FAM114A2: variants seen among roughly 807,000 people sequenced by gnomAD.
FAM114A2 encodes the protein protein FAM114A2.
Under a neutral mutation model 58.4 loss-of-function variants are expected in FAM114A2, and 53 were observed. That is an observed-to-expected ratio of 0.91 (90% CI 0.73 to 1.14). The LOEUF (loss-of-function observed/expected upper bound fraction) is 1.14, where lower values mean the gene tolerates loss of function less well. Among genes scored for constraint, FAM114A2 ranks in the 50% most tolerant of loss-of-function variants. FAM114A2 has a pLI of 0.00. For missense variants in FAM114A2, 601 were observed against 581.1 expected (o/e 1.03, Z -0.35); for synonymous variants, 228 against 211.4 (o/e 1.08, Z -0.68).
chr5:154,012,616 T>C (rs1304232941), intron 8 of FAM114A2, among the ~76,000 whole-genome samples: 1 of 152,194 alleles, frequency 6.6e-6, no homozygotes, highest in Non-Finnish European at 1.5e-5. Context: ...CCATCCACTA[T>C]CCTTTTGTCC....
intron 8 of FAM114A2, among the ~76,000 whole-genome samples, chr5:154,017,415 C>G (rs527291050): frequency 6.6e-6 from 1 of 152,288 alleles, no homozygotes; most frequent in East Asian, 1.9e-4. Context: ...GCACTCCAGC[C>G]TGGGCAACAA....
Position 154,033,785 on chromosome 5 carries a change from A to G in FAM114A2, c.403+6T>C, listed in dbSNP as rs372438696. The G allele has an allele frequency of 7.3e-6, 11 of 1,511,478 alleles. No individual in the cohort carries two copies. The African/African-American group carries it at 1.5e-4, about 21-fold the overall frequency. The allele number at this position is 1,511,478 out of a possible 1,614,324, so 93.6% of individuals were successfully genotyped here. On this transcript the variant is annotated splice_donor_region_variant and intron_variant, in intron 4 of 13. Transcript: ENST00000351797. The stretch of plus-strand genomic sequence containing the variant: ...ATTCTAGGTCTTTATGTTTCCATAT[A>G]CTGACCTGCTACATACTTGACTTCA...
chr5:154,026,544 A>C, intron 7 of FAM114A2, 22 bp from the exon 8 acceptor site: 1 of 1,441,488 alleles, frequency 6.9e-7, no homozygotes, highest in Non-Finnish European at 9.2e-7. Flanking sequence ...CAAGAACAAA[A>C]TGTTGTAGGA....
At chr5:154,020,501 G>C (rs1028621340) in intron 8 of FAM114A2, among the ~76,000 whole-genome samples, 4 of 152,122 alleles carry the variant, frequency 2.6e-5, no homozygotes, top group Non-Finnish European at 4.4e-5. Flanking sequence ...ACTACCATCA[G>C]AGAATACTAT....
chr5:154,034,346 C>G lies in FAM114A2; in HGVS notation c.242G>C (p.Arg81Thr). 6.3e-7 allele frequency: 1 copy of G among 1,598,964 alleles called. No individual in the cohort carries two copies. The highest frequency in any genetic ancestry group is 8.5e-7 in the Non-Finnish European group (1 of 1,171,228). The change falls in exon 3 of 14, where the codon AGA (arginine) becomes ACA (threonine). Residue 81 changes from arginine (R) to threonine (T), a missense_variant. Coordinates refer to ENST00000351797, the MANE Select transcript of FAM114A2 (RefSeq NM_018691.4). ...DNVSKDVPQT[R>T]WGYWGSWGKS... Reference sequence around the variant, plus strand: ...GCCCCAGCTCCCCCAATAACCCCATCTGGTCTGGGGTACATCTTTGGAAAC... The same window carrying G: ...GCCCCAGCTCCCCCAATAACCCCATGTGGTCTGGGGTACATCTTTGGAAAC...
At chr5:154,000,109 C>T (rs922682821) in intron 11 of FAM114A2, among the ~76,000 whole-genome samples, 2 of 152,086 alleles carry the variant, frequency 1.3e-5, no homozygotes, top group Admixed American at 6.6e-5. Context: ...AGACAAACAC[C>T]TCATGTTCTC....
chr5:153,993,786 C>A lies in FAM114A2; in HGVS notation c.1384-676G>T, dbSNP rs547293077. On this transcript the variant is annotated intron_variant, in intron 13 of 13. Coordinates refer to ENST00000351797, the MANE Select transcript of FAM114A2 (RefSeq NM_018691.4). ...GACAAGAGTGTTTCAAATCTGTATC[C>A]AAAAAAAAAATCCACTAAAAATAAT... 2.4e-3 allele frequency among the ~76,000 whole-genome samples: 353 copies of A among 148,096 alleles called. 3 individuals carry two copies. Among genetic ancestry groups the A allele is most frequent in the African/African-American group, 7.5e-3 (303 of 40,472 alleles).
chr5:153,992,650 T>C lies in FAM114A2; in HGVS notation c.*326A>G, dbSNP rs1027359328. 2 of 179,436 alleles carry C rather than the reference T, an allele frequency of 1.1e-5. No individual in the cohort carries two copies. Among genetic ancestry groups the C allele is most frequent in the Admixed American group, 6.1e-5 (1 of 16,402 alleles). The allele number at this position is 179,436 out of a possible 1,614,324, so 11.1% of individuals were successfully genotyped here. On this transcript the variant is annotated 3_prime_UTR_variant, in exon 14 of 14. Transcript: ENST00000351797. ...GCTGCAAATTATATCCATGACAAAA[T>C]TGATAACATTTTGCAACATGTCAAA...
intron 4 of FAM114A2, among the ~76,000 whole-genome samples, chr5:154,031,225 G>A (rs191339716): frequency 3.4e-4 from 47 of 137,280 alleles, no homozygotes; most frequent in Admixed American, 1.0e-3. Flanking sequence ...GGCAGGAGAA[G>A]AACTTGAACC....
chr5:154,001,612 T>G (rs540216103), intron 11 of FAM114A2, among the ~76,000 whole-genome samples: 1 of 152,298 alleles, frequency 6.6e-6, no homozygotes, highest in African/African-American at 2.4e-5. Flanking sequence ...CCAATGAAAA[T>G]TCTCATTATT....
In FAM114A2 at chr5:154,033,875, T is replaced by A; in HGVS notation, c.319A>T (p.Ile107Phe). 1 of 1,602,820 alleles carries A rather than the reference T, an allele frequency of 6.2e-7. No individual in the cohort carries two copies. The highest frequency in any genetic ancestry group is 1.1e-5 in the South Asian group (1 of 89,984). ...SATVATVGQG[I>F]SNVIEKAETS... ...TCTGCCTTCTCGATGACATTTGAAATGCCTTGTCCTAATGAGAAAAATAAC... is the reference window on the plus strand; with the variant it reads ...TCTGCCTTCTCGATGACATTTGAAAAGCCTTGTCCTAATGAGAAAAATAAC... The change falls in exon 4 of 14, where the codon ATT becomes TTT. Residue 107 changes from isoleucine (I) to phenylalanine (F), a missense_variant. By Grantham distance (21) the Ile-to-Phe change is conservative. Coordinates refer to ENST00000351797, the MANE Select transcript of FAM114A2 (RefSeq NM_018691.4).
chr5:154,027,752 C>T (rs555407928), intron 6 of FAM114A2, among the ~76,000 whole-genome samples: 3 of 152,220 alleles, frequency 2.0e-5, no homozygotes, highest in Admixed American at 2.0e-4. Context: ...TCACCTACCT[C>T]GGCCTCCCAA....
At chr5:154,025,217 A>C (rs1335952506) in intron 8 of FAM114A2, among the ~76,000 whole-genome samples, 1 of 152,128 alleles carries the variant, frequency 6.6e-6, no homozygotes, top group Non-Finnish European at 1.5e-5. Context: ...TAAGATGCAT[A>C]CTTAAAGGTA....
intron 1 of FAM114A2, chr5:154,038,634 G>C (rs955342410): frequency 6.6e-6 from 1 of 152,166 alleles, no homozygotes; most frequent in African/African-American, 2.4e-5. Context: ...CGAGAGATTC[G>C]ACGTAAACGT....
chr5:154,020,955 A>G (rs536811547), intron 8 of FAM114A2, among the ~76,000 whole-genome samples: 1 of 152,340 alleles, frequency 6.6e-6, no homozygotes, highest in African/African-American at 2.4e-5. Context: ...ACCAAGATCA[A>G]GTTGGCTTTA....
In FAM114A2 at chr5:154,029,357, C is replaced by T. The variant is rs1340832362; in HGVS notation, c.495+132G>A. ...CACTCCACCCATAAGACCAAAGTGA[C>T]CGATCTTCAGTGGCTTGGACTCCTT... On this transcript the variant is annotated intron_variant, in intron 5 of 13. Transcript: ENST00000351797. 2.1e-5 allele frequency: 12 copies of T among 573,606 alleles called. No homozygotes were observed. In the East Asian group the frequency reaches 4.1e-4, roughly 20 times the overall value. The allele number at this position is 573,606 out of a possible 1,614,324, so 35.5% of individuals were successfully genotyped here. A position where few individuals can be genotyped will look rare whatever the true frequency, so the allele number is the denominator to read the frequency against.
In FAM114A2 at chr5:153,993,062, G is replaced by T; in HGVS notation, c.1432C>A (p.Pro478Thr). The T allele has an allele frequency of 6.2e-7, 1 of 1,612,984 alleles. No homozygotes were observed. The highest frequency in any genetic ancestry group is 1.1e-5 in the South Asian group (1 of 90,968). Residue 478 changes from proline (P) to threonine (T), a missense_variant, in exon 14 of 14, where the codon CCT (proline) becomes ACT (threonine). Physicochemically the swap from Pro to Thr is conservative, Grantham distance 38. Transcript: ENST00000351797. ...YIQDAFQLLL[P>T]VLEISLIENK... ...TCAATGAGAGAGATCTCTAGCACAG[G>T]TAAGAGTAGCTGAAAGGCGTCCTGG... is the stretch of plus-strand genomic sequence containing the variant.
intron 9 of FAM114A2, among the ~76,000 whole-genome samples, chr5:154,006,737 G>C (rs1770371194): frequency 6.6e-6 from 1 of 151,508 alleles, no homozygotes. Flanking sequence ...GAAAAATGGA[G>C]AGTGATAGAC....
chr5:154,032,919 C>A (rs1005233878), intron 4 of FAM114A2, among the ~76,000 whole-genome samples: 3 of 152,124 alleles, frequency 2.0e-5, no homozygotes, highest in African/African-American at 7.2e-5. Flanking sequence ...CTGTTACTTG[C>A]AGCTAAAATA....
Sources: allele counts gnomAD v4.1 joint callset (sites outside exome capture counted in the v4.1 genomes callset), GRCh38; gene constraint gnomAD v4.1.1; transcripts MANE v1.5; gene names NCBI Gene and HGNC (gene_info 2026-07-23, HGNC 2026-07-21).